SRGAP2B: variants seen among roughly 807,000 people sequenced by gnomAD.
SRGAP2B encodes the protein SLIT-ROBO Rho GTPase-activating protein 2B.
A neutral mutation model predicts 22.2 loss-of-function variants in SRGAP2B; 9 were observed. The observed-to-expected ratio is 0.41, with a 90% CI of 0.24 to 0.71. The LOEUF (loss-of-function observed/expected upper bound fraction) is 0.71. Among genes scored for constraint, SRGAP2B ranks in the 30% least tolerant of loss-of-function variants. The pLI, the probability that SRGAP2B is intolerant of heterozygous loss-of-function variation, is 0.35. For missense variants in SRGAP2B, 114 were observed against 235.8 expected, an observed-to-expected ratio of 0.48 and a Z score of 3.38; for synonymous variants, 36 against 87.4, an observed-to-expected ratio of 0.41 and a Z score of 3.28.
intron 4 of SRGAP2B, chr1:144,918,283 A>G (rs1208067351): frequency 6.8e-6 from 1 of 148,144 alleles, no homozygotes; most frequent in African/African-American, 2.7e-5. Flanking sequence ...CTGGAAAAAA[A>G]AAAGATGCCT....
chr1:144,909,870 C>T (rs1372893409), intron 5 of SRGAP2B, among the ~76,000 whole-genome samples: 1 of 150,142 alleles, frequency 6.7e-6, no homozygotes, highest in Non-Finnish European at 1.5e-5. Flanking sequence ...AGATAAGAGA[C>T]CTAGAAATAC....
chr1:145,068,227 A>T (rs1349945568), intron 2 of SRGAP2B, among the ~76,000 whole-genome samples: 1 of 143,174 alleles, frequency 7.0e-6, no homozygotes, highest in Admixed American at 6.9e-5. Context: ...AAAAAAAAAA[A>T]CAAATACAGC....
intron 3 of SRGAP2B, among the ~76,000 whole-genome samples, chr1:144,956,754 G>A (rs1667298791): frequency 6.7e-6 from 1 of 149,982 alleles, no homozygotes; most frequent in Non-Finnish European, 1.5e-5. Flanking sequence ...GGCCCTAGAT[G>A]CTCATTTCTA....
At chr1:144,963,044 C>T (rs1199752075) in intron 3 of SRGAP2B, among the ~76,000 whole-genome samples, 2 of 150,934 alleles carry the variant, frequency 1.3e-5, no homozygotes, top group East Asian at 3.9e-4. Context: ...CACTGCAAAA[C>T]CCTGATTTGG....
chr1:144,923,220 A>C lies in SRGAP2B; in HGVS notation c.424-8466T>G, dbSNP rs587764523. ...TCCTAATACTAAGAAAATAAACTCA[A>C]AACAACATCCCTTAAAACAGACAAT... On this transcript the variant is annotated intron_variant, in intron 4 of 9. Transcript: ENST00000612199. 9.5e-4 allele frequency among the ~76,000 whole-genome samples: 144 copies of C among 150,850 alleles called. 2 individuals are homozygous for C. The highest frequency in any genetic ancestry group is 1.7e-3 in the Non-Finnish European group (114 of 67,932).
chr1:144,992,059 C>A lies in SRGAP2B; in HGVS notation c.260+2949G>T, dbSNP rs1407848312. Among the ~76,000 whole-genome samples, 38 of 150,174 alleles carry A rather than the reference C, an allele frequency of 2.5e-4. 3 individuals carry two copies. The highest frequency in any genetic ancestry group is 9.3e-4 in the African/African-American group (37 of 39,900). ...CTCACTGCAAAGATCTGCAGCTTCA[C>A]TCCTGAGCCCAGCGAGACCACAAGC... On this transcript the variant is annotated intron_variant, in intron 3 of 9. Coordinates refer to ENST00000612199, the Ensembl canonical transcript of SRGAP2B.
At chr1:145,084,071 C>CTTTTTTTTTTTTT (rs1553635074) in intron 2 of SRGAP2B, among the ~76,000 whole-genome samples, 1 of 134,168 alleles carries the variant, frequency 7.5e-6, no homozygotes, top group African/African-American at 2.8e-5. Context: ...TCTTTCTTTT[C>CTTTTTTTTTTTTT]TTTTTTTTTT....
intron 4 of SRGAP2B, among the ~76,000 whole-genome samples, chr1:144,929,994 CT>C (rs1362965592): frequency 6.8e-6 from 1 of 146,014 alleles, no homozygotes; most frequent in African/African-American, 2.7e-5. Flanking sequence ...CTCTGCTCAG[CT>C]TTTTGACACT....
chr1:144,967,400 A>C (rs1401861286), intron 3 of SRGAP2B, among the ~76,000 whole-genome samples: 1 of 65,804 alleles, frequency 1.5e-5, no homozygotes, highest in African/African-American at 7.0e-5. Flanking sequence ...TACTGGGTAC[A>C]TAACGAAATG....
intron 4 of SRGAP2B, among the ~76,000 whole-genome samples, chr1:144,940,923 A>G (rs1377447468): frequency 2.0e-5 from 3 of 149,994 alleles, no homozygotes; most frequent in Non-Finnish European, 4.4e-5. Context: ...AGAAGATGCA[A>G]TGACATGATA....
At chr1:145,009,057 G>C (rs1671826873) in intron 2 of SRGAP2B, among the ~76,000 whole-genome samples, 1 of 144,694 alleles carries the variant, frequency 6.9e-6, no homozygotes, top group Non-Finnish European at 1.5e-5. Flanking sequence ...GGCGCCTGTA[G>C]TCCCAGCTAC....
intron 3 of SRGAP2B, among the ~76,000 whole-genome samples, chr1:144,994,539 T>G: frequency 1.1e-5 from 1 of 87,290 alleles, no homozygotes; most frequent in Admixed American, 1.4e-4. Context: ...TTACTAGGGG[T>G]GTGTGAGTGT....
At chr1:145,015,360 T>C (rs1672340592) in intron 2 of SRGAP2B, among the ~76,000 whole-genome samples, 1 of 117,622 alleles carries the variant, frequency 8.5e-6, no homozygotes, top group Admixed American at 8.8e-5. Context: ...ATTATGGGCG[T>C]GAGCCACCAT....
chr1:144,974,072 G>T (rs797025113), intron 3 of SRGAP2B, among the ~76,000 whole-genome samples: 1 of 150,930 alleles, frequency 6.6e-6, no homozygotes, highest in African/African-American at 2.5e-5. Context: ...GGGTATAAAC[G>T]TCTAGAAAAA....
Position 144,995,217 on chromosome 1 carries a change from A to G in SRGAP2B, c.68-17T>C, listed in dbSNP as rs1553618301. The G allele has an allele frequency of 1.5e-6, 1 of 675,286 alleles. No homozygotes were observed. Among genetic ancestry groups the G allele is most frequent in the East Asian group, 2.9e-5 (1 of 33,920 alleles). The allele number at this position is 675,286 out of a possible 1,614,324, so 41.8% of individuals were successfully genotyped here. A position where few individuals can be genotyped will look rare whatever the true frequency, so the allele number is the denominator to read the frequency against. ...CACGGATCTCTACAACAAAAACAAG[A>G]GAAGACAGTCAGAAAGACAGCCCTA... On this transcript the variant is annotated splice_polypyrimidine_tract_variant and intron_variant, in intron 2 of 9. Coordinates refer to ENST00000612199, the Ensembl canonical transcript of SRGAP2B.
Position 145,012,100 on chromosome 1 carries a change from C to T in SRGAP2B, c.68-16900G>A, listed in dbSNP as rs587694263. On this transcript the variant is annotated intron_variant, in intron 2 of 9. Transcript: ENST00000612199. ...TTGTGACCACTCCATCTGAAAGTGC[C>T]CCGACACTCTCTATGCTCTTACCTC... Among the ~76,000 whole-genome samples the T allele has an allele frequency of 1.5e-4, 22 of 149,840 alleles. No individual in the cohort carries two copies. The East Asian group carries it at 4.3e-3, about 29-fold the overall frequency.
At chr1:144,965,865 C>A (rs1289790981) in intron 3 of SRGAP2B, among the ~76,000 whole-genome samples, 6 of 143,694 alleles carry the variant, frequency 4.2e-5, no homozygotes, top group South Asian at 2.2e-4. Flanking sequence ...GGAGCCGATG[C>A]GATCAACTGG....
intron 5 of SRGAP2B, among the ~76,000 whole-genome samples, chr1:144,914,298 C>G (rs1222942205): frequency 1.1e-4 from 16 of 150,858 alleles, no homozygotes; most frequent in African/African-American, 3.7e-4. Context: ...TGATGAAAAA[C>G]CTAGAACAAT....
At chr1:144,923,623 AATG>A (rs1664422172) in intron 4 of SRGAP2B, among the ~76,000 whole-genome samples, 1 of 128,342 alleles carries the variant, frequency 7.8e-6, no homozygotes, top group Admixed American at 8.1e-5. Flanking sequence ...AAAGAGCCAG[AATG>A]ATAAGGTACT....
Sources: gnomAD v4.1 joint callset for allele counts (sites outside exome capture counted in the v4.1 genomes callset) on GRCh38, gnomAD v4.1.1 for gene constraint, MANE v1.5 for transcripts, NCBI Gene and HGNC (gene_info 2026-07-23, HGNC 2026-07-21) for gene names.